The following PHF19 variants were observed in gnomAD, a reference collection of about 807,000 sequenced individuals.
The protein encoded by PHF19 is PHD finger protein 19, also known as polycomb like 3.
PHF19 carries 21 observed loss-of-function variants against 79.8 expected under a neutral mutation model. That is an observed-to-expected ratio of 0.26 (90% CI 0.19 to 0.38). The LOEUF (loss-of-function observed/expected upper bound fraction) is 0.38, where lower values mean the gene tolerates loss of function less well. PHF19 is among the 10% of genes least tolerant of loss of function. The probability of loss-of-function intolerance (pLI) is 1.00; values close to 1 mark genes in which losing one functional copy is unlikely to be tolerated. For missense variants in PHF19, 445 were observed against 744.2 expected, an observed-to-expected ratio of 0.60 and a Z score of 4.68; for synonymous variants, 273 against 296.3, an observed-to-expected ratio of 0.92 and a Z score of 0.81.
At chr9:120,886,042 T>G (rs947089345) in intron 1 of PHF19, among the ~76,000 whole-genome samples, 4 of 152,212 alleles carry the variant, frequency 2.6e-5, no homozygotes, top group Non-Finnish European at 5.9e-5. Flanking sequence ...GGGGCAATAG[T>G]TCCAAGAGGT....
At chr9:120,885,736 G>A (rs1353651352) in intron 1 of PHF19, among the ~76,000 whole-genome samples, 1 of 152,128 alleles carries the variant, frequency 6.6e-6, no homozygotes, top group Non-Finnish European at 1.5e-5. Context: ...ACTTTTGTCA[G>A]GTCCCCAGCA....
chr9:120,857,755 GGAACA>G lies in PHF19; in HGVS notation c.*184_*188del. The stretch of plus-strand genomic sequence containing the variant: ...GGGGTAACGAGCCTGAGGAGGCCCT[GGAACA>G]GAGCTGGTACAGCAGAGAGACGCAG... On this transcript the variant is annotated 3_prime_UTR_variant, in exon 15 of 15. Coordinates refer to ENST00000373896, the MANE Select transcript of PHF19 (RefSeq NM_015651.3). 1.9e-6 allele frequency: 1 copy of G among 539,798 alleles called. No individual in the cohort carries two copies. Among genetic ancestry groups the G allele is most frequent in the Non-Finnish European group, 3.3e-6 (1 of 304,768 alleles). The allele number at this position is 539,798 out of a possible 1,614,324, so 33.4% of individuals were successfully genotyped here.
At position 120,874,658 on chromosome 9, in the gene PHF19, C is replaced by T. The variant is rs765928698; in HGVS notation, c.84G>A (p.Lys28=). The change falls in exon 2 of 15, where the codon AAG becomes AAA. Residue 28 remains lysine (K), a synonymous_variant. Transcript: ENST00000373896. This position sits in a 1 kb window ranked among gnomAD's most constrained non-coding sequence, Gnocchi z 4.5. ...SHLPNKGALA[K]VKNNFKDLMS... ...TCAAGTCTTTGAAGTTGTTCTTGAC[C>T]TTCGCCAGGGCCCCCTTGTTGGGGA... 2 of 1,613,898 alleles carry T rather than the reference C, an allele frequency of 1.2e-6. No individual in the cohort carries two copies. Among genetic ancestry groups the T allele is most frequent in the African/African-American group, 1.3e-5 (1 of 75,060 alleles).
chr9:120,859,651 T>C (rs35352658), intron 14 of PHF19, among the ~76,000 whole-genome samples: 4,315 of 152,220 alleles, frequency 0.028, 111 homozygotes, highest in Middle Eastern at 0.048. Flanking sequence ...AAACGGCTCT[T>C]TCCCTTAGAG....
At position 120,872,289 on chromosome 9, in the gene PHF19, C is replaced by G. The variant is rs555822504; in HGVS notation, c.268+1690G>C. Among the ~76,000 whole-genome samples the G allele has an allele frequency of 8.1e-4, 123 of 152,300 alleles. 2 individuals carry two copies. In the South Asian group the frequency reaches 0.024, roughly 30 times the overall value. On this transcript the variant is annotated intron_variant, in intron 3 of 14. Coordinates refer to ENST00000373896, the MANE Select transcript of PHF19 (RefSeq NM_015651.3). ...CTACAGTGGTGCTCAGCCTTATGCTCTCATCTCAGGAGATGCTAGAGGGTC... is the reference window on the plus strand; with the variant it reads ...CTACAGTGGTGCTCAGCCTTATGCTGTCATCTCAGGAGATGCTAGAGGGTC...
rs2045980988 is a variant in PHF19, at chr9:120,874,150, A to G, written c.187-90T>C. ...CTTCCTCCCCCATTTTTGTCTCCGT[A>G]TGTTCCAGAAAGCAGGGCTAGAAGG... On this transcript the variant is annotated intron_variant, in intron 2 of 14. Coordinates refer to ENST00000373896, the MANE Select transcript of PHF19 (RefSeq NM_015651.3). The surrounding 1 kb of genome is among the most constrained non-coding windows in gnomAD (Gnocchi z 4.5). 4 of 729,240 alleles carry G rather than the reference A, an allele frequency of 5.5e-6. No homozygotes were observed. In the Admixed American group the frequency reaches 8.4e-5, roughly 15 times the overall value. 45.2% of individuals were successfully genotyped at this position (729,240 alleles called of 1,614,324 possible).
At chr9:120,882,234 T>C (rs1303407313) in intron 1 of PHF19, among the ~76,000 whole-genome samples, 1 of 152,206 alleles carries the variant, frequency 6.6e-6, no homozygotes, top group African/African-American at 2.4e-5. Flanking sequence ...AGTACCTCTC[T>C]GTCCAGGGAG....
upstream of PHF19, among the ~76,000 whole-genome samples, chr9:120,878,223 G>A (rs2046120729): frequency 6.6e-6 from 1 of 152,144 alleles, no homozygotes; most frequent in African/African-American, 2.4e-5. Context: ...CGCACAACAT[G>A]TCATGTAAAT....
At position 120,861,971 on chromosome 9, in the gene PHF19, G is replaced by A. The variant is rs1266118252; in HGVS notation, c.1165C>T (p.Arg389Ter). ...LPHEFQQQKRRVYRRKRSKFL... is the reference protein window; with the variant it reads ...LPHEFQQQKR ...TTTGATCTTTTTCTTCTATAAACTC[G>A]CCTTTTCTGCTGCTGGAATTCGTGA... is the stretch of plus-strand genomic sequence containing the variant. Residue 389 changes from arginine to a stop codon, truncating the protein, a stop_gained, in exon 12 of 15, where the codon CGA (arginine) becomes TGA (stop). Transcript: ENST00000373896. LOFTEE classifies it high-confidence loss of function. 4 of 1,613,642 alleles carry A rather than the reference G, an allele frequency of 2.5e-6. No homozygotes were observed. Among genetic ancestry groups the A allele is most frequent in the African/African-American group, 1.3e-5 (1 of 74,916 alleles).
At chr9:120,878,067 A>C (rs1198804923), upstream of PHF19, among the ~76,000 whole-genome samples, 3 of 152,162 alleles carry the variant, frequency 2.0e-5, no homozygotes, top group Non-Finnish European at 4.4e-5. Flanking sequence ...GTGGGCTAAC[A>C]ATGCAATTTT....
chr9:120,887,359 C>T (rs1268235807), intron 1 of PHF19, among the ~76,000 whole-genome samples: 1 of 152,166 alleles, frequency 6.6e-6, no homozygotes, highest in African/African-American at 2.4e-5. Flanking sequence ...GAGGCTGAGG[C>T]AGGAGAATCG....
intron 9 of PHF19, among the ~76,000 whole-genome samples, chr9:120,864,361 G>GT (rs2131507660): frequency 6.6e-6 from 1 of 152,220 alleles, no homozygotes; most frequent in East Asian, 1.9e-4. Context: ...CCTTGACCCA[G>GT]TAATGCTACT....
upstream of PHF19, among the ~76,000 whole-genome samples, chr9:120,896,512 C>T (rs1406929280): frequency 1.4e-5 from 2 of 138,624 alleles, no homozygotes; most frequent in African/African-American, 5.5e-5. Context: ...AGTGCAGTGG[C>T]GCGATCTCGA....
At position 120,874,624 on chromosome 9, in the gene PHF19, G is replaced by C. The variant is rs2045994860; in HGVS notation, c.118C>G (p.Leu40Val). ...KNNFKDLMSKLTEGQYVLCRW... is the reference protein window; with the variant it reads ...KNNFKDLMSKVTEGQYVLCRW... ...CACAGCACATACTGGCCCTCCGTCA[G>C]TTTGGACATCAAGTCTTTGAAGTTG... is the stretch of plus-strand genomic sequence containing the variant. Residue 40 changes from leucine (L) to valine (V), a missense_variant, in exon 2 of 15, where the codon CTG (leucine) becomes GTG (valine). Transcript: ENST00000373896. This position sits in a 1 kb window ranked among gnomAD's most constrained non-coding sequence, Gnocchi z 4.5. The C allele has an allele frequency of 6.2e-7, 1 of 1,614,014 alleles. No homozygotes were observed. The highest frequency in any genetic ancestry group is 1.3e-5 in the African/African-American group (1 of 75,038).
At chr9:120,885,579 GAAAA>G (rs368105816) in intron 1 of PHF19, among the ~76,000 whole-genome samples, 99,689 of 141,544 alleles carry the variant, frequency 0.7, 34,130 homozygotes, top group South Asian at 0.81. Context: ...CTCTATCTTG[GAAAA>G]AAAAAAAAAA....
At chr9:120,884,317 T>C (rs1772601819) in intron 1 of PHF19, among the ~76,000 whole-genome samples, 1 of 152,348 alleles carries the variant, frequency 6.6e-6, no homozygotes, top group Non-Finnish European at 1.5e-5. Flanking sequence ...CTCCAGTATT[T>C]ACAAGGCATC....
In PHF19 at chr9:120,869,989, G is replaced by C. The variant is rs1298623955; in HGVS notation, c.365-44C>G. 1.3e-6 allele frequency: 2 copies of C among 1,541,926 alleles called. No individual in the cohort carries two copies. ...CGGTGAGCGCCCACAAGGACATCGT[G>C]GCCCAAGGCCAGTTGGCCCAAAGGA... On this transcript the variant is annotated intron_variant, in intron 4 of 14. Transcript: ENST00000373896. This position sits in a 1 kb window ranked among gnomAD's most constrained non-coding sequence, Gnocchi z 5.8.
chr9:120,876,600 G>C (rs2046065414), intron 1 of PHF19, among the ~76,000 whole-genome samples: 1 of 152,222 alleles, frequency 6.6e-6, no homozygotes, highest in Admixed American at 6.5e-5. Context: ...GGGCCGGGCG[G>C]GGGCAGGAAG....
chr9:120,900,312 G>A, the PHF19 span, among the ~76,000 whole-genome samples: 69,312 of 152,168 alleles, frequency 0.46, 18,233 homozygotes, highest in South Asian at 0.69. Context: ...TAGTTTCTGT[G>A]TCTTTGCCTG....
Sources: gnomAD v4.1 joint callset for allele counts (sites outside exome capture counted in the v4.1 genomes callset) on GRCh38, gnomAD v4.1.1 for gene constraint, Gnocchi (gnomAD v3.1) non-coding constraint, MANE v1.5 for transcripts, NCBI Gene and HGNC (gene_info 2026-07-23, HGNC 2026-07-21) for gene names.